Variants in MLXIP observed in about 807,000 individuals in gnomAD.
MLXIP encodes MLX-interacting protein.
MLXIP carries 30 observed loss-of-function variants against 87.2 expected under a neutral mutation model. That is an observed-to-expected ratio of 0.34 (90% confidence interval 0.26 to 0.47). MLXIP has a LOEUF of 0.47. Ranked by LOEUF, MLXIP falls within the 20% of genes least tolerant of loss-of-function variation. MLXIP has a pLI of 1.00. For synonymous variants in MLXIP, 530 were observed against 514.0 expected (o/e 1.03, Z -0.42); for missense variants, 1,002 against 1,240.1 (o/e 0.81, Z 2.88).
At chr12:122,093,471 T>G (rs918558869) in intron 1 of MLXIP, among the ~76,000 whole-genome samples, 2 of 138,776 alleles carry the variant, frequency 1.4e-5, no homozygotes, top group South Asian at 2.4e-4. Flanking sequence ...ATGTTTGCGG[T>G]GTGTTTGGTG....
At chr12:122,105,141 C>T (rs899373016) in intron 1 of MLXIP, among the ~76,000 whole-genome samples, 7 of 152,196 alleles carry the variant, frequency 4.6e-5, no homozygotes, top group Non-Finnish European at 8.8e-5. Context: ...GGTGGGCCCA[C>T]TGTTGGTGGT....
chr12:122,086,822 C>T (rs1355224132), intron 1 of MLXIP, among the ~76,000 whole-genome samples: 1 of 152,094 alleles, frequency 6.6e-6, no homozygotes, highest in African/African-American at 2.4e-5. Context: ...TGCTAGGTCC[C>T]CCGCGGGGGA....
intron 1 of MLXIP, among the ~76,000 whole-genome samples, chr12:122,099,952 C>G (rs982003136): frequency 3.9e-5 from 6 of 152,304 alleles, no homozygotes; most frequent in African/African-American, 1.4e-4. Flanking sequence ...GAATCAATAG[C>G]TCTCCAAGTG....
intron 1 of MLXIP, among the ~76,000 whole-genome samples, chr12:122,122,698 C>T (rs745332263): frequency 5.9e-5 from 9 of 152,072 alleles, no homozygotes; most frequent in South Asian, 4.2e-4. Flanking sequence ...CCCGCCACCA[C>T]GACGCCTGGC....
intron 1 of MLXIP, among the ~76,000 whole-genome samples, chr12:122,114,747 T>TC: frequency 9.4e-6 from 1 of 105,864 alleles, no homozygotes; most frequent in African/African-American, 4.2e-5. Flanking sequence ...CTTTTTTTTT[T>TC]TTTTTTTTGG....
At chr12:122,103,548 T>C (rs1952471943) in intron 1 of MLXIP, among the ~76,000 whole-genome samples, 1 of 135,306 alleles carries the variant, frequency 7.4e-6, no homozygotes, top group Non-Finnish European at 1.5e-5. Flanking sequence ...TGAGACAGAG[T>C]CTCGCTGTGT....
At chr12:122,090,482 G>A (rs1045621983) in intron 1 of MLXIP, among the ~76,000 whole-genome samples, 5 of 147,026 alleles carry the variant, frequency 3.4e-5, no homozygotes, top group Non-Finnish European at 7.5e-5. Flanking sequence ...GGGCAACAGA[G>A]CGAGACTCTG....
intron 1 of MLXIP, among the ~76,000 whole-genome samples, chr12:122,117,602 T>A (rs1952712235): frequency 6.6e-6 from 1 of 152,266 alleles, no homozygotes; most frequent in Non-Finnish European, 1.5e-5. Context: ...GTTTTTGTGA[T>A]GAATTGCCTT....
chr12:122,109,885 G>C (rs917604843), intron 1 of MLXIP, among the ~76,000 whole-genome samples: 2 of 152,142 alleles, frequency 1.3e-5, no homozygotes, highest in Non-Finnish European at 2.9e-5. Context: ...AAAGTTGTTC[G>C]TATGCTTTTT....
Position 122,142,396 on chromosome 12 carries a change from T to G in MLXIP, c.*584T>G. 2.0e-6 allele frequency: 1 copy of G among 497,288 alleles called. No homozygotes were observed. The highest frequency in any genetic ancestry group is 1.6e-5 in the South Asian group (1 of 61,546). 30.8% of individuals were successfully genotyped at this position (497,288 alleles called of 1,614,324 possible). ...TGGCAGGCTGCCAGGGGGAAGTGCC[T>G]TCTTCAGAGGTCCTCCAGGACACAT... On this transcript the variant is annotated 3_prime_UTR_variant, in exon 17 of 17. Coordinates refer to ENST00000319080, the MANE Select transcript of MLXIP (RefSeq NM_014938.6).
rs1268987566 is a variant in MLXIP, at chr12:122,138,406, C to G, written c.2257-18C>G. On this transcript the variant is annotated intron_variant, in intron 13 of 16. Transcript: ENST00000319080. ...GCTGGCTGTGGGTGCTGCCTCCAGC[C>G]ACCTGCCCCTTCTGCAGACCAGTCA... is the stretch of plus-strand genomic sequence containing the variant. 6.2e-7 allele frequency: 1 copy of G among 1,612,536 alleles called. No homozygotes were observed. Among genetic ancestry groups the G allele is most frequent in the African/African-American group, 1.3e-5 (1 of 74,904 alleles).
Position 122,144,014 on chromosome 12 carries a change from A to G in MLXIP, c.*2202A>G, listed in dbSNP as rs905321535. The G allele has an allele frequency of 1.3e-5, 2 of 152,742 alleles. No homozygotes were observed. The highest frequency in any genetic ancestry group is 2.9e-5 in the Non-Finnish European group (2 of 68,074). The allele number at this position is 152,742 out of a possible 1,614,324, so 9.5% of individuals were successfully genotyped here. On this transcript the variant is annotated 3_prime_UTR_variant, in exon 17 of 17. Transcript: ENST00000319080. ...ACGATTGCCATGGCCATAGGGCCAC[A>G]GTGCCGTATCTGCTGCAGACATGAT...
chr12:122,094,401 GGT>G (rs1391097750), intron 1 of MLXIP, among the ~76,000 whole-genome samples: 4 of 143,752 alleles, frequency 2.8e-5, no homozygotes, highest in African/African-American at 7.8e-5. Context: ...GTTGGTGTGT[GGT>G]GTGTGTGGTG....
intron 15 of MLXIP, among the ~76,000 whole-genome samples, chr12:122,139,750 G>T (rs1342284665): frequency 6.6e-6 from 1 of 152,188 alleles, no homozygotes; most frequent in Non-Finnish European, 1.5e-5. Context: ...ACAGTTCACT[G>T]CAGCCTCCAC....
At position 122,137,339 on chromosome 12, in the gene MLXIP, C is replaced by A; in HGVS notation, c.2033-130C>A. ...AATAATCTAAGGAAGCATGTGTGTG[C>A]AGTTGAAAGAACCAAGTGCAATACG... On this transcript the variant is annotated intron_variant, in intron 11 of 16. Coordinates refer to ENST00000319080, the MANE Select transcript of MLXIP (RefSeq NM_014938.6). This position sits in a 1 kb window ranked among gnomAD's most constrained non-coding sequence, Gnocchi z 4.1. 2.2e-6 allele frequency: 2 copies of A among 893,394 alleles called. No homozygotes were observed. Among genetic ancestry groups the A allele is most frequent in the Non-Finnish European group, 3.3e-6 (2 of 611,752 alleles). The allele number at this position is 893,394 out of a possible 1,614,324, so 55.3% of individuals were successfully genotyped here.
intron 1 of MLXIP, among the ~76,000 whole-genome samples, chr12:122,123,218 T>G (rs1952812489): frequency 6.6e-6 from 1 of 152,180 alleles, no homozygotes; most frequent in Non-Finnish European, 1.5e-5. Context: ...CTTGCCACCT[T>G]CTGAGGCATC....
intron 7 of MLXIP, 33 bp downstream of exon 7, chr12:122,130,966 C>T (rs1250706777): frequency 7.0e-7 from 1 of 1,423,342 alleles, no homozygotes; most frequent in South Asian, 1.1e-5. Context: ...GCACGGTTGC[C>T]TCCATCTCCC....
intron 1 of MLXIP, among the ~76,000 whole-genome samples, chr12:122,120,627 T>A (rs1034887629): frequency 1.3e-5 from 2 of 151,898 alleles, no homozygotes. Context: ...AGAAAAAGAG[T>A]CAGCAGATGG....
chr12:122,100,629 T>C (rs1952422589), intron 1 of MLXIP, among the ~76,000 whole-genome samples: 1 of 152,252 alleles, frequency 6.6e-6, no homozygotes, highest in Non-Finnish European at 1.5e-5. Flanking sequence ...TCAACTTGAA[T>C]GATCATCTCC....
Sources: allele counts gnomAD v4.1 joint callset (sites outside exome capture counted in the v4.1 genomes callset), GRCh38; gene constraint gnomAD v4.1.1; non-coding constraint Gnocchi (gnomAD v3.1); transcripts MANE v1.5; gene names NCBI Gene and HGNC (gene_info 2026-07-23, HGNC 2026-07-21).